The following NRG1 variants were observed in gnomAD, a reference collection of about 807,000 sequenced individuals.
NRG1 encodes the protein pro-neuregulin-1, membrane-bound isoform.
In NRG1, 18 loss-of-function variants were observed where a neutral mutation model predicts 63.8. That is an observed-to-expected ratio of 0.28 (90% confidence interval 0.19 to 0.42). The LOEUF (loss-of-function observed/expected upper bound fraction) is 0.42, where lower values mean the gene tolerates loss of function less well. Ranked by LOEUF, NRG1 falls within the 10% of genes least tolerant of loss-of-function variation. The pLI is 1.00. For synonymous variants in NRG1, 302 were observed against 301.3 expected, an observed-to-expected ratio of 1.00 and a Z score of -0.02; for missense variants, 762 against 814.7, an observed-to-expected ratio of 0.94 and a Z score of 0.79.
chr8:32,157,341 AGAGT>A (rs1695691519), intron 1 of NRG1, among the ~76,000 whole-genome samples: 1 of 136,556 alleles, frequency 7.3e-6, no homozygotes, highest in Admixed American at 7.5e-5. Flanking sequence ...CTTCAGAAAC[AGAGT>A]GAGACTCTGT....
chr8:32,385,266 C>A (rs1368270471), intron 1 of NRG1, among the ~76,000 whole-genome samples: 1 of 152,064 alleles, frequency 6.6e-6, no homozygotes, highest in African/African-American at 2.4e-5. Context: ...GACTCGTGAT[C>A]CACCCGCCTT....
intron 1 of NRG1, among the ~76,000 whole-genome samples, chr8:31,926,696 T>C (rs535219297): frequency 6.6e-6 from 1 of 152,264 alleles, no homozygotes; most frequent in African/African-American, 2.4e-5. Context: ...TAATAGTGTG[T>C]CATACCATGA....
intron 1 of NRG1, among the ~76,000 whole-genome samples, chr8:31,872,287 G>A (rs1829554971): frequency 6.6e-6 from 1 of 152,248 alleles, no homozygotes; most frequent in Non-Finnish European, 1.5e-5. Flanking sequence ...CTTTCTGACA[G>A]CCCTTCCACT....
chr8:32,736,720 T>C (rs1275548040), intron 6 of NRG1, among the ~76,000 whole-genome samples: 1 of 152,124 alleles, frequency 6.6e-6, no homozygotes, highest in Non-Finnish European at 1.5e-5. Flanking sequence ...TTTTTTTTCT[T>C]CCTCTTGTTC....
At chr8:32,325,374 AT>A (rs1316421658) in intron 1 of NRG1, among the ~76,000 whole-genome samples, 2 of 152,186 alleles carry the variant, frequency 1.3e-5, no homozygotes, top group Non-Finnish European at 2.9e-5. Flanking sequence ...TAATTAAAAA[AT>A]TTTTTTGTTG....
chr8:32,247,219 G>A (rs1848668565), intron 1 of NRG1, among the ~76,000 whole-genome samples: 2 of 151,984 alleles, frequency 1.3e-5, no homozygotes, highest in South Asian at 2.1e-4. Context: ...GACTCATGTG[G>A]TGCTCTCTAA....
intron 1 of NRG1, among the ~76,000 whole-genome samples, chr8:31,769,228 A>G (rs796879410): frequency 6.6e-6 from 1 of 152,096 alleles, no homozygotes; most frequent in African/African-American, 2.4e-5. Context: ...ATGGCTTGCT[A>G]TTTATTTTCA....
chr8:32,760,661 C>T, intron 11 of NRG1: 2 of 1,280,044 alleles, frequency 1.6e-6, no homozygotes, highest in Non-Finnish European at 2.0e-6. Flanking sequence ...GCGGAAGGTG[C>T]AGCACATGGA....
At chr8:31,831,418 G>C (rs1825151060) in intron 1 of NRG1, among the ~76,000 whole-genome samples, 1 of 144,762 alleles carries the variant, frequency 6.9e-6, no homozygotes, top group Admixed American at 7.0e-5. Context: ...TCTTCTTAAA[G>C]GGTTTGAGAT....
intron 1 of NRG1, among the ~76,000 whole-genome samples, chr8:31,981,400 C>T (rs1290912363): frequency 1.3e-5 from 2 of 151,866 alleles, no homozygotes; most frequent in African/African-American, 4.8e-5. Flanking sequence ...CCTGAGTGGC[C>T]ATCTTCAACA....
chr8:32,213,120 C>A (rs1386847310), intron 1 of NRG1, among the ~76,000 whole-genome samples: 2 of 152,088 alleles, frequency 1.3e-5, no homozygotes, highest in Non-Finnish European at 2.9e-5. Flanking sequence ...ACTGGTGCTC[C>A]AAAGAAAATC....
At chr8:32,732,762 C>T (rs901013475) in intron 6 of NRG1, among the ~76,000 whole-genome samples, 1 of 149,770 alleles carries the variant, frequency 6.7e-6, no homozygotes, top group Non-Finnish European at 1.5e-5. Context: ...AAAATATATA[C>T]ACCTGTTTTA....
At position 32,408,706 on chromosome 8, in the gene NRG1, A is replaced by G. The variant is rs184662080; in HGVS notation, c.38-187122A>G. Reference sequence around the variant, plus strand: ...CTGAATGCACACAGGGAATGCACAAATTTTATAAACAAGAAGGCTGGGTTT... The same window carrying G: ...CTGAATGCACACAGGGAATGCACAAGTTTTATAAACAAGAAGGCTGGGTTT... On this transcript the variant is annotated intron_variant, in intron 1 of 10. Coordinates refer to the NRG1 transcript ENST00000519301. 3.4e-3 allele frequency among the ~76,000 whole-genome samples: 517 copies of G among 152,268 alleles called. 1 individual carries two copies. Among genetic ancestry groups the G allele is most frequent in the Non-Finnish European group, 5.5e-3 (375 of 68,014 alleles).
rs116845470 is a variant in NRG1, at chr8:31,741,908, A to G, written c.37+102477A>G. Among the ~76,000 whole-genome samples, 588 of 152,124 alleles carry G rather than the reference A, an allele frequency of 3.9e-3. 1 individual carries two copies. The highest frequency in any genetic ancestry group is 0.019 in the South Asian group (90 of 4,820). On this transcript the variant is annotated intron_variant, in intron 1 of 10. Coordinates refer to the NRG1 transcript ENST00000519301. ...TAAGAATATTCCTAGAATTACTGAA[A>G]TGGCAAAAAACTGAAAAAAACTGCA...
intron 1 of NRG1, among the ~76,000 whole-genome samples, chr8:31,708,982 C>T (rs930700992): frequency 2.0e-5 from 3 of 152,154 alleles, no homozygotes; most frequent in African/African-American, 2.4e-5. Flanking sequence ...AATCAACACA[C>T]ATATTTCATG....
At chr8:31,648,234 C>T (rs1585386643) in intron 1 of NRG1, among the ~76,000 whole-genome samples, 2 of 148,012 alleles carry the variant, frequency 1.4e-5, no homozygotes, top group African/African-American at 5.0e-5. Flanking sequence ...CCCGGGTTCA[C>T]GCCATTCTCC....
chr8:32,745,193 G>A (rs1021655515), intron 7 of NRG1, among the ~76,000 whole-genome samples: 1 of 152,094 alleles, frequency 6.6e-6, no homozygotes, highest in African/African-American at 2.4e-5. Flanking sequence ...AAGTAGCAGT[G>A]AAAGCCAGAA....
intron 1 of NRG1, among the ~76,000 whole-genome samples, chr8:31,986,498 A>G (rs769801933): frequency 3.3e-5 from 5 of 152,062 alleles, no homozygotes; most frequent in Non-Finnish European, 7.4e-5. Flanking sequence ...TTTGACACAA[A>G]TTTGACTGCC....
intron 1 of NRG1, among the ~76,000 whole-genome samples, chr8:32,207,015 G>GT (rs1479327418): frequency 2.0e-5 from 3 of 152,208 alleles, no homozygotes; most frequent in African/African-American, 7.2e-5. Flanking sequence ...TCCTCCGTGA[G>GT]TCAGTGCATA....
Sources: allele counts gnomAD v4.1 joint callset (sites outside exome capture counted in the v4.1 genomes callset), GRCh38; gene constraint gnomAD v4.1.1; transcripts MANE v1.5; gene names NCBI Gene and HGNC (gene_info 2026-07-23, HGNC 2026-07-21).